The following ZC3H18 variants were observed in gnomAD, a reference collection of about 807,000 sequenced individuals.
ZC3H18 encodes the protein zinc finger CCCH-type containing 18.
In ZC3H18, 8 loss-of-function variants were observed where a neutral mutation model predicts 106.1. The ratio of observed to expected loss-of-function variants is 0.08; its 90% CI spans 0.04 to 0.14. The LOEUF (loss-of-function observed/expected upper bound fraction) is 0.14. ZC3H18 is among the 10% of genes least tolerant of loss of function. The pLI is 1.00. For missense variants in ZC3H18, 1,318 were observed against 1,278.4 expected (o/e 1.03, Z -0.47); for synonymous variants, 635 against 522.1 (o/e 1.22, Z -2.95).
At chr16:88,622,564 CA>C in intron 9 of ZC3H18, 176 bp downstream of exon 9, 1 of 694,220 alleles carries the variant, frequency 1.4e-6, no homozygotes. Flanking sequence ...CAAAGAGCAT[CA>C]ATGCCAAGTA....
At chr16:88,583,808 A>C (rs1053334752) in intron 2 of ZC3H18, among the ~76,000 whole-genome samples, 1 of 152,064 alleles carries the variant, frequency 6.6e-6, no homozygotes. Context: ...CACGGGCACC[A>C]TCCGTTTTTA....
chr16:88,631,125 C>T lies in ZC3H18; in HGVS notation c.2688C>T (p.Ser896=), dbSNP rs1373129762. 2 of 1,612,804 alleles carry T rather than the reference C, an allele frequency of 1.2e-6. No homozygotes were observed. Among genetic ancestry groups the T allele is most frequent in the Non-Finnish European group, 1.7e-6 (2 of 1,180,006 alleles). Residue 896 remains serine, a synonymous_variant, in exon 18 of 18, where the codon TCC becomes TCT. Transcript: ENST00000301011. ...GGAAGCGCCAGCTGTCACCCCAGTCCAAGAGCTCCAGCAAGGTCACGAGCG... is the reference window on the plus strand; with the variant it reads ...GGAAGCGCCAGCTGTCACCCCAGTCTAAGAGCTCCAGCAAGGTCACGAGCG... ...ADRKRQLSPQ[S]KSSSKVTSVP...
At chr16:88,597,949 G>T (rs1012449473) in intron 3 of ZC3H18, among the ~76,000 whole-genome samples, 1 of 152,248 alleles carries the variant, frequency 6.6e-6, no homozygotes, top group Admixed American at 6.5e-5. Context: ...TCTGACCGAG[G>T]TGCCTGGCAG....
chr16:88,627,841 G>C lies in ZC3H18; in HGVS notation c.2269+59G>C. 1 of 1,612,078 alleles carries C rather than the reference G, an allele frequency of 6.2e-7. No individual in the cohort carries two copies. Among genetic ancestry groups the C allele is most frequent in the Non-Finnish European group, 8.5e-7 (1 of 1,178,778 alleles). On this transcript the variant is annotated intron_variant, in intron 14 of 17. Coordinates refer to ENST00000301011, the MANE Select transcript of ZC3H18 (RefSeq NM_144604.4). This position sits in a 1 kb window ranked among gnomAD's most constrained non-coding sequence, Gnocchi z 4.5. ...CTCCCGGGGGAGGAGGGCGGCATCAGCACAGACTTTGCCTGGCTGTTGGTG... is the reference window on the plus strand; with the variant it reads ...CTCCCGGGGGAGGAGGGCGGCATCACCACAGACTTTGCCTGGCTGTTGGTG...
rs570308429 is a variant in ZC3H18 at position 88,593,913 on chromosome 16, C to A, written c.689-4265C>A. ...CAGAATCATGCCTGGGTAAAAGACC[C>A]ATTCAAAGTTCAAGATAGACCAATG... On this transcript the variant is annotated intron_variant, in intron 3 of 17. Coordinates refer to ENST00000301011, the MANE Select transcript of ZC3H18 (RefSeq NM_144604.4). 2.6e-5 allele frequency among the ~76,000 whole-genome samples: 4 copies of A among 152,316 alleles called. No homozygotes were observed. In the South Asian group the frequency reaches 8.3e-4, roughly 32 times the overall value.
chr16:88,613,220 C>T (rs1038176767), intron 8 of ZC3H18, among the ~76,000 whole-genome samples: 1 of 152,204 alleles, frequency 6.6e-6, no homozygotes, highest in African/African-American at 2.4e-5. Flanking sequence ...TGCTTTATTC[C>T]TCCATGGATG....
chr16:88,617,571 C>A (rs1465822567), intron 8 of ZC3H18, among the ~76,000 whole-genome samples: 2 of 152,244 alleles, frequency 1.3e-5, no homozygotes, highest in Non-Finnish European at 2.9e-5. Flanking sequence ...GGGACCTTCC[C>A]GCAGGAGCTG....
At chr16:88,610,225 G>A (rs183619359) in intron 7 of ZC3H18, among the ~76,000 whole-genome samples, 2 of 152,292 alleles carry the variant, frequency 1.3e-5, no homozygotes, top group East Asian at 3.9e-4. Context: ...GTGATTTGAC[G>A]AAGTTGCCCC....
chr16:88,578,482 C>G (rs752500367), intron 2 of ZC3H18, among the ~76,000 whole-genome samples: 1 of 151,696 alleles, frequency 6.6e-6, no homozygotes, highest in Admixed American at 6.6e-5. Flanking sequence ...AGCTATTGAA[C>G]TCAAAGGAGG....
chr16:88,598,092 G>GCCCCCCCCCCCCCCC, intron 3 of ZC3H18, 86 bp from the exon 4 acceptor site: 1 of 349,610 alleles, frequency 2.9e-6, no homozygotes, highest in Non-Finnish European at 5.4e-6. Flanking sequence ...CATGGCCTCT[G>GCCCCCCCCCCCCCCC]CCCCCTCCCA....
chr16:88,611,381 C>T lies in ZC3H18; in HGVS notation c.1320C>T (p.Arg440=), dbSNP rs894012349. 5 of 1,100,358 alleles carry T rather than the reference C, an allele frequency of 4.5e-6. No homozygotes were observed. The highest frequency in any genetic ancestry group is 6.8e-6 in the Non-Finnish European group (5 of 735,900). 68.2% of individuals were successfully genotyped at this position (1,100,358 alleles called of 1,614,324 possible). Residue 440 remains arginine, a synonymous_variant, in exon 8 of 18, where the codon CGC becomes CGT. Transcript: ENST00000301011. ...GGGAGCGCGAGCGAGAGCGGGAGCG[C>T]GAGCGCGACAAGGAGCGGCAGCGGA... ...RQRERERERE[R]ERDKERQRRK... is the part of the protein sequence containing the mutation.
intron 3 of ZC3H18, among the ~76,000 whole-genome samples, chr16:88,594,758 G>A (rs1354237614): frequency 6.6e-6 from 1 of 152,150 alleles, no homozygotes; most frequent in Non-Finnish European, 1.5e-5. Flanking sequence ...CTTTTAGAGT[G>A]GGTGGGTATT....
chr16:88,585,762 G>C (rs1353631740), intron 2 of ZC3H18, among the ~76,000 whole-genome samples: 2 of 152,120 alleles, frequency 1.3e-5, no homozygotes, highest in African/African-American at 4.8e-5. Flanking sequence ...GGGTGTGATG[G>C]GCAGTGGTGC....
chr16:88,585,552 G>A (rs899968625), intron 2 of ZC3H18, among the ~76,000 whole-genome samples: 5 of 152,192 alleles, frequency 3.3e-5, no homozygotes, highest in African/African-American at 4.8e-5. Flanking sequence ...AGGACCTGTC[G>A]TAGGGGGAGC....
intron 3 of ZC3H18, among the ~76,000 whole-genome samples, chr16:88,595,922 A>C (rs1904414132): frequency 1.3e-5 from 2 of 152,212 alleles, no homozygotes; most frequent in Non-Finnish European, 1.5e-5. Flanking sequence ...CTACACAGAT[A>C]AAAGTTCACA....
intron 3 of ZC3H18, chr16:88,587,542 A>G (rs1336511838): frequency 6.5e-7 from 1 of 1,536,038 alleles, no homozygotes; most frequent in Non-Finnish European, 8.7e-7. Flanking sequence ...TCTTTTCCAG[A>G]TGTTGTGACA....
At chr16:88,594,475 C>T (rs1904330747) in intron 3 of ZC3H18, among the ~76,000 whole-genome samples, 1 of 152,192 alleles carries the variant, frequency 6.6e-6, no homozygotes, top group African/African-American at 2.4e-5. Flanking sequence ...TCAGTTCCTG[C>T]CACCTCTGTG....
intron 2 of ZC3H18, among the ~76,000 whole-genome samples, chr16:88,579,831 C>T (rs574472840): frequency 4.6e-5 from 7 of 152,312 alleles, no homozygotes; most frequent in Non-Finnish European, 1.0e-4. Flanking sequence ...CCCCATAGGT[C>T]TGTGCTCCTG....
rs746214348 is a variant in ZC3H18, at chr16:88,598,656, C to G, written c.874C>G (p.Pro292Ala). 19 of 1,612,864 alleles carry G rather than the reference C, an allele frequency of 1.2e-5. No homozygotes were observed. In the African/African-American group the frequency reaches 1.5e-4, roughly 12 times the overall value. ...AGTTGATGAAATTTTGCCTCCACCCCCTCCAGAGCCCCCAACAGAGAGTGC... is the reference window on the plus strand; with the variant it reads ...AGTTGATGAAATTTTGCCTCCACCCGCTCCAGAGCCCCCAACAGAGAGTGC... ...PVVDEILPPP[P>A]PEPPTESAWE... Residue 292 changes from proline (P) to alanine (A), a missense_variant, in exon 5 of 18, where the codon CCT becomes GCT. Physicochemically the swap from Pro to Ala is conservative, Grantham distance 27. Transcript: ENST00000301011.
Sources: allele counts gnomAD v4.1 joint callset (sites outside exome capture counted in the v4.1 genomes callset), GRCh38; gene constraint gnomAD v4.1.1; non-coding constraint Gnocchi (gnomAD v3.1); transcripts MANE v1.5; gene names NCBI Gene and HGNC (gene_info 2026-07-23, HGNC 2026-07-21).